The following UBTD2 variants were observed in gnomAD, a reference collection of about 807,000 sequenced individuals.
UBTD2 encodes the protein ubiquitin domain containing 2, also known as ubiquitin domain-containing protein 2.
UBTD2 carries 9 observed loss-of-function variants against 19.8 expected under a neutral mutation model. The ratio of observed to expected loss-of-function variants is 0.46; its 90% CI spans 0.27 to 0.79. The LOEUF (loss-of-function observed/expected upper bound fraction) is 0.79, where lower values mean the gene tolerates loss of function less well. UBTD2 is among the 30% of genes least tolerant of loss of function. UBTD2 has a pLI of 0.14. For missense variants in UBTD2, 250 were observed against 300.4 expected (o/e 0.83, Z 1.24); for synonymous variants, 98 against 103.9 (o/e 0.94, Z 0.35).
intron 2 of UBTD2, among the ~76,000 whole-genome samples, chr5:172,227,398 A>C (rs1342694252): frequency 6.6e-6 from 1 of 152,220 alleles, no homozygotes; most frequent in Admixed American, 6.5e-5. Flanking sequence ...TTAATCAGTC[A>C]TCAGATCCTT....
At chr5:172,215,820 T>C (rs1771530522) in intron 2 of UBTD2, among the ~76,000 whole-genome samples, 1 of 152,196 alleles carries the variant, frequency 6.6e-6, no homozygotes, top group Admixed American at 6.5e-5. Context: ...ATGGGCTTAC[T>C]GGTAACTGAA....
intron 1 of UBTD2, among the ~76,000 whole-genome samples, chr5:172,253,610 C>A (rs965338690): frequency 6.6e-6 from 1 of 151,820 alleles, no homozygotes; most frequent in African/African-American, 2.4e-5. Context: ...CGCGCCACCA[C>A]GCCCAGCTAA....
chr5:172,238,841 T>A lies in UBTD2; in HGVS notation c.71-4483A>T, dbSNP rs77629705. Among the ~76,000 whole-genome samples the A allele has an allele frequency of 2.8e-3, 427 of 152,242 alleles. 15 individuals are homozygous for A. In the East Asian group the frequency reaches 0.072, roughly 26 times the overall value. On this transcript the variant is annotated intron_variant, in intron 1 of 2. Coordinates refer to ENST00000393792, the MANE Select transcript of UBTD2 (RefSeq NM_152277.3). ...GAAAGAAGAGGCCATAATGCATGGA[T>A]AAGGTGAAAATATCAAGATATGACT... is the stretch of plus-strand genomic sequence containing the variant.
At chr5:172,233,047 G>A (rs1354955121) in intron 2 of UBTD2, among the ~76,000 whole-genome samples, 2 of 152,118 alleles carry the variant, frequency 1.3e-5, no homozygotes, top group Non-Finnish European at 2.9e-5. Context: ...CCTAGGAGGC[G>A]GAGGTTGCAG....
intron 1 of UBTD2, chr5:172,254,601 T>C (rs1318171291): frequency 4.6e-6 from 3 of 646,978 alleles, no homozygotes; most frequent in Non-Finnish European, 8.3e-6. Flanking sequence ...GCTTTTAGCG[T>C]ACACTTTGTT....
intron 2 of UBTD2, among the ~76,000 whole-genome samples, chr5:172,217,283 G>T (rs963649794): frequency 5.3e-5 from 8 of 151,732 alleles, no homozygotes; most frequent in Non-Finnish European, 8.8e-5. Flanking sequence ...GCCAGGCATG[G>T]TGGTGGGTGC....
intron 2 of UBTD2, among the ~76,000 whole-genome samples, chr5:172,218,081 C>T (rs374806484): frequency 6.6e-6 from 1 of 152,140 alleles, no homozygotes; most frequent in Non-Finnish European, 1.5e-5. Flanking sequence ...CCAAGAGAGA[C>T]CACATTCTGA....
chr5:172,254,610 T>C (rs1460251737), intron 1 of UBTD2: 2 of 648,662 alleles, frequency 3.1e-6, no homozygotes, highest in Non-Finnish European at 2.8e-6. Flanking sequence ...GTACACTTTG[T>C]TGCATCCATC....
At chr5:172,260,159 CCT>C (rs1262386207) in intron 1 of UBTD2, among the ~76,000 whole-genome samples, 2 of 150,902 alleles carry the variant, frequency 1.3e-5, no homozygotes, top group African/African-American at 4.9e-5. Context: ...ATAATATGTC[CCT>C]GAGATTCTGC....
intron 1 of UBTD2, among the ~76,000 whole-genome samples, chr5:172,270,040 G>T (rs1373907513): frequency 1.3e-5 from 2 of 151,280 alleles, no homozygotes; most frequent in African/African-American, 4.8e-5. Context: ...TCACGCCATT[G>T]CACTCCAGCC....
chr5:172,223,740 G>T (rs2113880981), intron 2 of UBTD2, among the ~76,000 whole-genome samples: 1 of 151,800 alleles, frequency 6.6e-6, no homozygotes, highest in East Asian at 1.9e-4. Context: ...TGGAAAAAAT[G>T]AAGTAGAAAA....
intron 2 of UBTD2, among the ~76,000 whole-genome samples, chr5:172,228,478 T>G (rs896087782): frequency 7.2e-5 from 11 of 152,188 alleles, no homozygotes; most frequent in Admixed American, 7.2e-4. Context: ...CCCAGCACTT[T>G]GGGAGGCCGA....
At chr5:172,246,943 A>G (rs1433375024) in intron 1 of UBTD2, among the ~76,000 whole-genome samples, 1 of 150,724 alleles carries the variant, frequency 6.6e-6, no homozygotes, top group Non-Finnish European at 1.5e-5. Flanking sequence ...TTCAGTAGAG[A>G]TGGGGTTTCA....
At chr5:172,255,219 A>T (rs76336315) in intron 1 of UBTD2, 4 of 446,068 alleles carry the variant, frequency 9.0e-6, no homozygotes, top group African/African-American at 2.0e-5. Context: ...CAGCAGAAGG[A>T]GGTGAACTCC....
intron 1 of UBTD2, among the ~76,000 whole-genome samples, chr5:172,277,663 G>A (rs186172051): frequency 4.6e-5 from 7 of 151,802 alleles, no homozygotes; most frequent in Admixed American, 2.0e-4. Context: ...CCATGATTAC[G>A]CCATTGCACT....
intron 1 of UBTD2, among the ~76,000 whole-genome samples, chr5:172,238,149 C>T (rs555528658): frequency 6.6e-6 from 1 of 152,314 alleles, no homozygotes; most frequent in South Asian, 2.1e-4. Context: ...TATATACATA[C>T]TCAACTAGAT....
chr5:172,233,119 A>G (rs1043328985), intron 2 of UBTD2, among the ~76,000 whole-genome samples: 8 of 152,208 alleles, frequency 5.3e-5, no homozygotes, highest in African/African-American at 1.9e-4. Flanking sequence ...CTGTCTCAAA[A>G]AAGAGAGAGA....
At chr5:172,242,155 C>A (rs991033776) in intron 1 of UBTD2, among the ~76,000 whole-genome samples, 2 of 152,062 alleles carry the variant, frequency 1.3e-5, no homozygotes, top group Non-Finnish European at 2.9e-5. Flanking sequence ...AGGCCCTCAA[C>A]AGGAACAGAG....
At chr5:172,222,996 T>C (rs562297064) in intron 2 of UBTD2, among the ~76,000 whole-genome samples, 4 of 152,220 alleles carry the variant, frequency 2.6e-5, no homozygotes, top group East Asian at 3.9e-4. Flanking sequence ...GAAAGATTGA[T>C]TGGAATCATG....
Sources: gnomAD v4.1 joint callset for allele counts (sites outside exome capture counted in the v4.1 genomes callset) on GRCh38, gnomAD v4.1.1 for gene constraint, MANE v1.5 for transcripts, NCBI Gene and HGNC (gene_info 2026-07-23, HGNC 2026-07-21) for gene names.